The following TPRG1 variants were observed in gnomAD, a reference collection of about 807,000 sequenced individuals.
TPRG1 encodes tumor protein p63-regulated gene 1 protein.
In TPRG1, 29 loss-of-function variants were observed where a neutral mutation model predicts 29.3. The ratio of observed to expected loss-of-function variants is 0.99; its 90% confidence interval spans 0.74 to 1.35. The LOEUF is 1.35. Ranked by LOEUF, TPRG1 falls within the 40% of genes most tolerant of loss-of-function variation. The pLI, the probability that TPRG1 is intolerant of heterozygous loss-of-function variation, is 0.00. For synonymous variants in TPRG1, 130 were observed against 116.8 expected (o/e 1.11, Z -0.73); for missense variants, 327 against 335.0 (o/e 0.98, Z 0.19).
chr3:189,193,187 G>C (rs1260779661), intron 1 of TPRG1, among the ~76,000 whole-genome samples: 2 of 130,674 alleles, frequency 1.5e-5, no homozygotes, highest in African/African-American at 5.7e-5. Flanking sequence ...TCAGATTGGA[G>C]TGCAGTGGCA....
chr3:189,094,448 G>A (rs967653696), intron 4 of TPRG1, among the ~76,000 whole-genome samples: 1 of 152,060 alleles, frequency 6.6e-6, no homozygotes, highest in African/African-American at 2.4e-5. Flanking sequence ...GAAGAAAAAG[G>A]ATCTATTCAA....
chr3:189,003,759 G>A (rs149187785), intron 2 of TPRG1, among the ~76,000 whole-genome samples: 1 of 152,106 alleles, frequency 6.6e-6, no homozygotes, highest in Non-Finnish European at 1.5e-5. Context: ...TTTCCCAAAT[G>A]CTACCCTTTT....
chr3:189,041,272 C>T (rs1212977400), intron 4 of TPRG1, among the ~76,000 whole-genome samples: 1 of 152,202 alleles, frequency 6.6e-6, no homozygotes, highest in African/African-American at 2.4e-5. Context: ...ATGGTCATTG[C>T]ATTCCTTAAA....
chr3:189,232,253 T>C (rs976009431), intron 3 of TPRG1, among the ~76,000 whole-genome samples: 2 of 152,182 alleles, frequency 1.3e-5, no homozygotes, highest in African/African-American at 4.8e-5. Context: ...CTTAAAGAAG[T>C]GTTAACAAAA....
At chr3:189,225,850 G>C (rs1737644343) in intron 3 of TPRG1, among the ~76,000 whole-genome samples, 1 of 152,138 alleles carries the variant, frequency 6.6e-6, no homozygotes, top group East Asian at 1.9e-4. Flanking sequence ...GAAATGCTTT[G>C]CCATGTGAAT....
At chr3:189,211,768 G>A (rs1735300727) in intron 2 of TPRG1, 1 of 152,146 alleles carries the variant, frequency 6.6e-6, no homozygotes, top group Non-Finnish European at 1.5e-5. Flanking sequence ...CTAGAAGACA[G>A]GCCTGGAACC....
At chr3:189,253,449 C>T (rs778640206) in intron 4 of TPRG1, among the ~76,000 whole-genome samples, 3 of 152,210 alleles carry the variant, frequency 2.0e-5, no homozygotes, top group Non-Finnish European at 4.4e-5. Context: ...TTGATGGCTG[C>T]ATAGTAGTCC....
rs1387309952 is a variant in TPRG1 at position 189,321,095 on chromosome 3, AC to A, written c.*276del. ...TTATCAAATGAGTGCCTGATCATCAACTCAGGAAAGAAGACTCTAAGTCCTG... is the reference window on the plus strand; with the variant it reads ...TTATCAAATGAGTGCCTGATCATCAATCAGGAAAGAAGACTCTAAGTCCTG... On this transcript the variant is annotated 3_prime_UTR_variant, in exon 6 of 6. Coordinates refer to ENST00000345063, the MANE Select transcript of TPRG1 (RefSeq NM_198485.4). The A allele has an allele frequency of 1.1e-5, 3 of 273,856 alleles. No homozygotes were observed. Among genetic ancestry groups the A allele is most frequent in the Non-Finnish European group, 2.0e-5 (3 of 148,650 alleles). The allele number at this position is 273,856 out of a possible 1,614,324, so 17.0% of individuals were successfully genotyped here.
chr3:189,200,880 A>G (rs1030488029), intron 1 of TPRG1, among the ~76,000 whole-genome samples: 1 of 152,170 alleles, frequency 6.6e-6, no homozygotes, highest in Non-Finnish European at 1.5e-5. Context: ...CCCTAAATGC[A>G]ATATTAAGAG....
chr3:189,014,131 AT>A (rs1712797179), intron 3 of TPRG1, among the ~76,000 whole-genome samples: 1 of 152,084 alleles, frequency 6.6e-6, no homozygotes, highest in African/African-American at 2.4e-5. Context: ...TGTTTTTGTA[AT>A]GGCTGCTAAT....
chr3:189,068,708 G>A (rs568152731), intron 4 of TPRG1, among the ~76,000 whole-genome samples: 18 of 152,242 alleles, frequency 1.2e-4, no homozygotes, highest in African/African-American at 3.6e-4. Context: ...CCTGGGAGGC[G>A]GAGGTTGCGG....
At chr3:189,121,759 A>G (rs1007946917) in intron 1 of TPRG1, 1 of 152,170 alleles carries the variant, frequency 6.6e-6, no homozygotes, top group African/African-American at 2.4e-5. Flanking sequence ...GCAGGAATCA[A>G]GAAAAGCTTT....
At chr3:189,153,491 A>G (rs944561353) in intron 5 of TPRG1, among the ~76,000 whole-genome samples, 2 of 151,986 alleles carry the variant, frequency 1.3e-5, no homozygotes, top group African/African-American at 2.4e-5. Flanking sequence ...GAGGCAAGGT[A>G]TCTTGGATTT....
intron 1 of TPRG1, among the ~76,000 whole-genome samples, chr3:189,173,299 CTT>C: frequency 6.7e-6 from 1 of 149,816 alleles, no homozygotes; most frequent in South Asian, 2.1e-4. Flanking sequence ...GCTATATAAT[CTT>C]TGGCAGACTT....
Position 189,173,292 on chromosome 3 carries a change from A to G in TPRG1, c.-10+1161A>G, listed in dbSNP as rs551847484. ...CACAAATGCATTGGGTTGTAATGCT[A>G]TATAATCTTTGGCAGACTTCTATAT... On this transcript the variant is annotated intron_variant, in intron 1 of 5. Transcript: ENST00000345063. Among the ~76,000 whole-genome samples, 29 of 151,066 alleles carry G rather than the reference A, an allele frequency of 1.9e-4. 1 individual carries two copies. Among genetic ancestry groups the G allele is most frequent in the Admixed American group, 1.8e-3 (28 of 15,212 alleles).
intron 1 of TPRG1, among the ~76,000 whole-genome samples, chr3:189,115,836 G>T (rs1478313538): frequency 6.6e-6 from 1 of 152,160 alleles, no homozygotes; most frequent in Non-Finnish European, 1.5e-5. Flanking sequence ...TTCTCTGTGA[G>T]ACTTCTTGGG....
rs577381018 is a variant in TPRG1, at chr3:189,019,628, T to C, written c.-659-4122T>C. On this transcript the variant is annotated intron_variant, in intron 3 of 10. Transcript: ENST00000433971. ...GCTTTTTGATGTGCTGCTGGATTTG[T>C]TTTGCCAGTATTTTATTGAGGATTT... Among the ~76,000 whole-genome samples the C allele has an allele frequency of 2.0e-5, 3 of 152,098 alleles. No individual in the cohort carries two copies. The South Asian group carries it at 6.2e-4, about 32-fold the overall frequency.
At position 189,139,675 on chromosome 3, in the gene TPRG1, T is replaced by C. The variant is rs577367456; in HGVS notation, c.-291+6978T>C. Among the ~76,000 whole-genome samples, 363 of 152,020 alleles carry C rather than the reference T, an allele frequency of 2.4e-3. 2 individuals are homozygous for C. Among genetic ancestry groups the C allele is most frequent in the African/African-American group, 8.5e-3 (351 of 41,414 alleles). On this transcript the variant is annotated intron_variant, in intron 3 of 6. Transcript: ENST00000412373. The stretch of plus-strand genomic sequence containing the variant: ...ATTCTATCAGCTGAAGGATTTTTTT[T>C]TTTTTTTCAAAAAAAAATGTTAGTC...
intron 3 of TPRG1, among the ~76,000 whole-genome samples, chr3:189,017,059 C>G (rs1712974868): frequency 6.6e-6 from 1 of 152,056 alleles, no homozygotes; most frequent in South Asian, 2.1e-4. Flanking sequence ...CTCACTGTCT[C>G]TTTCAGGTAC....
Sources: allele counts gnomAD v4.1 joint callset (sites outside exome capture counted in the v4.1 genomes callset), GRCh38; gene constraint gnomAD v4.1.1; transcripts MANE v1.5; gene names NCBI Gene and HGNC (gene_info 2026-07-23, HGNC 2026-07-21).